Variants in LTBP1 observed in about 807,000 individuals in gnomAD.
LTBP1 encodes latent transforming growth factor beta binding protein 1.
LTBP1 carries 129 observed loss-of-function variants against 207.6 expected under a neutral mutation model. That is an observed-to-expected ratio of 0.62 (90% CI 0.54 to 0.72). The LOEUF (loss-of-function observed/expected upper bound fraction) is 0.72, where lower values mean the gene tolerates loss of function less well. Among genes scored for constraint, LTBP1 ranks in the 30% least tolerant of loss-of-function variants. The pLI, the probability that LTBP1 is intolerant of heterozygous loss-of-function variation, is 0.00. For synonymous variants in LTBP1, 963 were observed against 833.7 expected, an observed-to-expected ratio of 1.16 and a Z score of -2.67; for missense variants, 2,281 against 2,217.2, an observed-to-expected ratio of 1.03 and a Z score of -0.58.
intron 23 of LTBP1, among the ~76,000 whole-genome samples, chr2:33,311,149 T>C (rs940839471): frequency 6.6e-6 from 1 of 152,156 alleles, no homozygotes; most frequent in African/African-American, 2.4e-5. Context: ...GAATTATATA[T>C]CTATATTACC....
intron 18 of LTBP1, among the ~76,000 whole-genome samples, chr2:33,276,464 G>A: frequency 6.6e-6 from 1 of 152,318 alleles, no homozygotes; most frequent in Middle Eastern, 3.4e-3. Context: ...TTATAAAAAT[G>A]TTATAAAAAG....
At chr2:33,199,671 G>C (rs1418568303) in intron 7 of LTBP1, among the ~76,000 whole-genome samples, 5 of 152,254 alleles carry the variant, frequency 3.3e-5, no homozygotes, top group Admixed American at 3.3e-4. Flanking sequence ...GTTAGGAAAA[G>C]AGGAAGTCAA....
At chr2:33,207,373 TA>T (rs68184383) in intron 7 of LTBP1, among the ~76,000 whole-genome samples, 12,383 of 152,204 alleles carry the variant, frequency 0.081, 1,092 homozygotes, top group African/African-American at 0.22. Flanking sequence ...TTCCAGCAGT[TA>T]AATGCTCTAG....
Position 33,399,119 on chromosome 2 carries a change from G to A in LTBP1, c.*574G>A, listed in dbSNP as rs2095384230. ...GGCAGTGATTTTGTTCCAAAACTTT[G>A]TATACACATTTGGAGAAAAGTACTT... On this transcript the variant is annotated 3_prime_UTR_variant, in exon 34 of 34. Transcript: ENST00000404816. 6.6e-6 allele frequency: 1 copy of A among 152,592 alleles called. No homozygotes were observed. Among genetic ancestry groups the A allele is most frequent in the Non-Finnish European group, 1.5e-5 (1 of 68,030 alleles). 9.5% of individuals were successfully genotyped at this position (152,592 alleles called of 1,614,324 possible).
intron 18 of LTBP1, among the ~76,000 whole-genome samples, chr2:33,278,311 G>A (rs946993741): frequency 3.3e-5 from 5 of 152,084 alleles, no homozygotes; most frequent in Non-Finnish European, 1.5e-5. Flanking sequence ...GATGACTAGC[G>A]TTCCCTCAGT....
At chr2:33,086,989 A>G (rs1290586915) in intron 3 of LTBP1, among the ~76,000 whole-genome samples, 1 of 150,678 alleles carries the variant, frequency 6.6e-6, no homozygotes, top group African/African-American at 2.4e-5. Flanking sequence ...TGGGCACTTG[A>G]TCACAGAGAT....
chr2:33,314,942 T>C (rs2094244507), intron 23 of LTBP1, among the ~76,000 whole-genome samples: 1 of 152,206 alleles, frequency 6.6e-6, no homozygotes. Context: ...GATTGTACAT[T>C]GGCTATTTCC....
chr2:33,316,103 T>C (rs1381275316), intron 24 of LTBP1, among the ~76,000 whole-genome samples: 3 of 152,146 alleles, frequency 2.0e-5, no homozygotes, highest in Non-Finnish European at 4.4e-5. Context: ...AAGATAATGC[T>C]CTTGGCTTCC....
At chr2:33,346,151 G>T (rs1369819258) in intron 25 of LTBP1, among the ~76,000 whole-genome samples, 1 of 152,190 alleles carries the variant, frequency 6.6e-6, no homozygotes, top group African/African-American at 2.4e-5. Flanking sequence ...TGAGATCAGT[G>T]ATTAGTTATT....
chr2:33,316,045 C>T (rs2094266749), intron 24 of LTBP1, among the ~76,000 whole-genome samples: 1 of 152,154 alleles, frequency 6.6e-6, no homozygotes, highest in African/African-American at 2.4e-5. Context: ...ATTTACTTAC[C>T]TACCAGTATT....
At chr2:33,160,128 G>A (rs976873110) in intron 5 of LTBP1, among the ~76,000 whole-genome samples, 3 of 152,028 alleles carry the variant, frequency 2.0e-5, no homozygotes, top group African/African-American at 7.3e-5. Flanking sequence ...GTCCGCCCAC[G>A]TCGGCCTCCC....
At chr2:33,180,063 C>T (rs1244045149) in intron 5 of LTBP1, among the ~76,000 whole-genome samples, 1 of 152,210 alleles carries the variant, frequency 6.6e-6, no homozygotes, top group Non-Finnish European at 1.5e-5. Flanking sequence ...CTTCTGTAAA[C>T]ACTCTTCTGC....
Position 32,947,365 on chromosome 2 carries a change from C to T in LTBP1, c.41C>T (p.Ala14Val), listed in dbSNP as rs1050327734. 21 of 1,346,006 alleles carry T rather than the reference C, an allele frequency of 1.6e-5. No homozygotes were observed. Among genetic ancestry groups the T allele is most frequent in the Admixed American group, 1.1e-4 (3 of 28,316 alleles). The allele number at this position is 1,346,006 out of a possible 1,614,324, so 83.4% of individuals were successfully genotyped here. ...CTCAGGTGGGGGCTCCTGCTCTGGG[C>T]AGGGCTCCTCGCGTCCTCGGCGCAC... ...AWLRWGLLLW[A>V]GLLASSAHGR... The change falls in exon 1 of 34, where the codon GCA becomes GTA. Residue 14 changes from alanine to valine, a missense_variant. Transcript: ENST00000404816.
intron 23 of LTBP1, 22 bp from the exon 24 acceptor site, chr2:33,315,122 A>T: frequency 1.3e-6 from 2 of 1,582,380 alleles, no homozygotes; most frequent in African/African-American, 1.4e-5. Context: ...TCAAGTTTTT[A>T]AGACTCTATT....
rs1037784064 is a variant in LTBP1, at chr2:33,397,077, A to G, written c.4835-56A>G. On this transcript the variant is annotated intron_variant, in intron 32 of 33. Coordinates refer to ENST00000404816, the MANE Select transcript of LTBP1 (RefSeq NM_206943.4). Reference sequence around the variant, plus strand: ...GAACCATCATCTAAATATCATTTACAAAATGATATAGGAAGTTGAGAAGCT... The same window carrying G: ...GAACCATCATCTAAATATCATTTACGAAATGATATAGGAAGTTGAGAAGCT... 7 of 1,514,122 alleles carry G rather than the reference A, an allele frequency of 4.6e-6. No individual in the cohort carries two copies. In the African/African-American group the frequency reaches 8.3e-5, roughly 18 times the overall value. The allele number at this position is 1,514,122 out of a possible 1,614,324, so 93.8% of individuals were successfully genotyped here. A position where few individuals can be genotyped will look rare whatever the true frequency, so the allele number is the denominator to read the frequency against.
In LTBP1 at chr2:32,957,316, A is replaced by C. The variant is rs537522589; in HGVS notation, c.565+8371A>C. Among the ~76,000 whole-genome samples the C allele has an allele frequency of 3.9e-5, 6 of 152,136 alleles. No homozygotes were observed. In the South Asian group the frequency reaches 1.2e-3, roughly 32 times the overall value. ...CTCTTGGCCTATCTTGGCTTTCTAC[A>C]TGCCTTCCTCACTTAGCTTTTTATT... On this transcript the variant is annotated intron_variant, in intron 2 of 33. Coordinates refer to ENST00000404816, the MANE Select transcript of LTBP1 (RefSeq NM_206943.4).
At chr2:33,334,700 G>T (rs1039776461) in intron 24 of LTBP1, among the ~76,000 whole-genome samples, 1 of 152,038 alleles carries the variant, frequency 6.6e-6, no homozygotes, top group African/African-American at 2.4e-5. Flanking sequence ...CTACATAGTG[G>T]TTGACAAAAA....
chr2:33,009,403 A>G (rs1339725271), intron 2 of LTBP1, among the ~76,000 whole-genome samples: 1 of 152,178 alleles, frequency 6.6e-6, no homozygotes, highest in Non-Finnish European at 1.5e-5. Context: ...GGGTCCTTGC[A>G]GATGTAATTA....
Position 33,310,514 on chromosome 2 carries a change from T to C in LTBP1, c.3604+958T>C, listed in dbSNP as rs373345445. Among the ~76,000 whole-genome samples the C allele has an allele frequency of 8.6e-4, 131 of 152,308 alleles. 1 individual carries two copies. In the Middle Eastern group the frequency reaches 0.024, roughly 28 times the overall value. ...TTACAGCAACTTCAGAGGTAGCTTT[T>C]CTTGTATTCATTTTGTGCATGAGTA... On this transcript the variant is annotated intron_variant, in intron 23 of 33. Coordinates refer to ENST00000404816, the MANE Select transcript of LTBP1 (RefSeq NM_206943.4).
Sources: gnomAD v4.1 joint callset for allele counts (sites outside exome capture counted in the v4.1 genomes callset) on GRCh38, gnomAD v4.1.1 for gene constraint, MANE v1.5 for transcripts, NCBI Gene and HGNC (gene_info 2026-07-23, HGNC 2026-07-21) for gene names.